Variants in BICC1 observed in about 807,000 individuals in gnomAD.
The protein encoded by BICC1 is BicC family RNA binding protein 1.
In BICC1, 43 loss-of-function variants were observed where a neutral mutation model predicts 111.0. The ratio of observed to expected loss-of-function variants is 0.39; its 90% confidence interval spans 0.30 to 0.50. The LOEUF (loss-of-function observed/expected upper bound fraction) is 0.50, where lower values mean the gene tolerates loss of function less well. BICC1 is among the 20% of genes least tolerant of loss of function. The pLI is 0.88. For synonymous variants in BICC1, 467 were observed against 434.4 expected (o/e 1.07, Z -0.93); for missense variants, 1,091 against 1,203.2 (o/e 0.91, Z 1.38).
chr10:58,739,175 G>T (rs539386324), intron 3 of BICC1, among the ~76,000 whole-genome samples: 147 of 152,238 alleles, frequency 9.7e-4, no homozygotes, highest in Non-Finnish European at 2.0e-3. Context: ...TTTTCAAAGG[G>T]AATGCTTCCA....
Position 58,519,008 on chromosome 10 carries a change from A to C in BICC1, c.190+5675A>C, listed in dbSNP as rs1056312002. On this transcript the variant is annotated intron_variant, in intron 1 of 20. Transcript: ENST00000373886. ...GCAAGAATGTATTTGGCTGCGACTA[A>C]CAGGAAACCTGACACAGAGTGGCTT... 2.9e-4 allele frequency among the ~76,000 whole-genome samples: 44 copies of C among 152,190 alleles called. 1 individual carries two copies. The highest frequency in any genetic ancestry group is 1.3e-4 in the Non-Finnish European group (9 of 68,026).
chr10:58,820,578 T>G (rs1251687229), intron 20 of BICC1, 110 bp downstream of exon 20: 2 of 713,578 alleles, frequency 2.8e-6, no homozygotes, highest in African/African-American at 3.5e-5. Flanking sequence ...ACCTAACACC[T>G]TGGTTGTGGT....
At chr10:58,749,865 A>G (rs1355614104) in intron 3 of BICC1, among the ~76,000 whole-genome samples, 2 of 152,030 alleles carry the variant, frequency 1.3e-5, no homozygotes, top group East Asian at 3.9e-4. Context: ...GGATCAACAA[A>G]ACCTAGAGTT....
chr10:58,822,198 A>G (rs958957547), intron 20 of BICC1, among the ~76,000 whole-genome samples: 1 of 152,132 alleles, frequency 6.6e-6, no homozygotes, highest in Non-Finnish European at 1.5e-5. Flanking sequence ...GCAATTTTCT[A>G]TCAGTGAAGT....
intron 2 of BICC1, among the ~76,000 whole-genome samples, chr10:58,658,732 A>G (rs778358368): frequency 9.2e-5 from 14 of 152,120 alleles, no homozygotes; most frequent in African/African-American, 3.4e-4. Context: ...GGCCAGTAGG[A>G]GACCTTTCAG....
intron 3 of BICC1, among the ~76,000 whole-genome samples, chr10:58,756,897 AT>A (rs1357540237): frequency 1.3e-5 from 2 of 152,138 alleles, no homozygotes; most frequent in Admixed American, 6.5e-5. Flanking sequence ...AGATAACATG[AT>A]TTCCTTGGTA....
intron 2 of BICC1, among the ~76,000 whole-genome samples, chr10:58,637,211 TTTTTC>T (rs953496202): frequency 2.2e-4 from 33 of 152,332 alleles, no homozygotes; most frequent in African/African-American, 7.9e-4. Context: ...GTGAAGATTT[TTTTTC>T]TTTTCTTTTG....
chr10:58,530,672 A>G (rs540083463), intron 1 of BICC1, among the ~76,000 whole-genome samples: 1 of 129,252 alleles, frequency 7.7e-6, no homozygotes, highest in South Asian at 2.9e-4. Flanking sequence ...ATGTCTTTAT[A>G]TACTTTAAAT....
At chr10:58,711,820 T>TA (rs397755225) in intron 3 of BICC1, among the ~76,000 whole-genome samples, 15 of 150,868 alleles carry the variant, frequency 9.9e-5, no homozygotes, top group Admixed American at 6.0e-4. Context: ...TTTTTTTTTT[T>TA]AAAGATATTT....
At chr10:58,564,439 A>G (rs1843696391) in intron 1 of BICC1, among the ~76,000 whole-genome samples, 1 of 152,196 alleles carries the variant, frequency 6.6e-6, no homozygotes, top group Non-Finnish European at 1.5e-5. Flanking sequence ...TGAAGAACCT[A>G]TTTTATGGAT....
At chr10:58,549,147 G>GT (rs35446816) in intron 1 of BICC1, among the ~76,000 whole-genome samples, 214 of 149,408 alleles carry the variant, frequency 1.4e-3, no homozygotes, top group African/African-American at 3.6e-3. Context: ...CCCTCAGCCA[G>GT]TTTTTTTTTT....
intron 1 of BICC1, among the ~76,000 whole-genome samples, chr10:58,528,321 A>T (rs1658486): frequency 0.46 from 69,784 of 151,674 alleles, 17,109 homozygotes; most frequent in Admixed American, 0.62. Context: ...TTAGTGATAG[A>T]ACATTAGTGT....
intron 3 of BICC1, among the ~76,000 whole-genome samples, chr10:58,748,287 A>T (rs1841891038): frequency 6.6e-6 from 1 of 152,082 alleles, no homozygotes; most frequent in African/African-American, 2.4e-5. Context: ...GGAGCTTATA[A>T]CCTGGTGGAT....
At chr10:58,754,633 T>C (rs1274568283) in intron 3 of BICC1, among the ~76,000 whole-genome samples, 1 of 152,202 alleles carries the variant, frequency 6.6e-6, no homozygotes, top group Non-Finnish European at 1.5e-5. Context: ...GAGTGTCTCA[T>C]CATTTCTGGG....
chr10:58,586,087 T>G (rs1844419010), intron 1 of BICC1, among the ~76,000 whole-genome samples: 1 of 152,186 alleles, frequency 6.6e-6, no homozygotes, highest in African/African-American at 2.4e-5. Context: ...TACATGCCAG[T>G]AGTAGAAAAA....
At chr10:58,620,826 A>G (rs1336732206) in intron 1 of BICC1, 29 bp from the exon 2 acceptor site, 3 of 1,603,156 alleles carry the variant, frequency 1.9e-6, no homozygotes, top group Non-Finnish European at 2.6e-6. Flanking sequence ...TTGAAAAAGT[A>G]TTTTAAATGT....
chr10:58,597,369 T>A (rs1247414873), intron 1 of BICC1, among the ~76,000 whole-genome samples: 1 of 152,012 alleles, frequency 6.6e-6, no homozygotes, highest in Non-Finnish European at 1.5e-5. Flanking sequence ...CTAACACAGA[T>A]CACATGCTTC....
chr10:58,639,770 G>T (rs573829524), intron 2 of BICC1, among the ~76,000 whole-genome samples: 9 of 138,056 alleles, frequency 6.5e-5, no homozygotes, highest in Non-Finnish European at 9.1e-5. Flanking sequence ...CTCCCAGGCT[G>T]GGGTACATCT....
At chr10:58,621,635 G>T (rs530468056) in intron 2 of BICC1, among the ~76,000 whole-genome samples, 3 of 152,136 alleles carry the variant, frequency 2.0e-5, no homozygotes, top group Admixed American at 2.0e-4. Context: ...GCAGGGCATG[G>T]TGGTGTGTGC....
Sources: gnomAD v4.1 joint callset for allele counts (sites outside exome capture counted in the v4.1 genomes callset) on GRCh38, gnomAD v4.1.1 for gene constraint, MANE v1.5 for transcripts, NCBI Gene and HGNC (gene_info 2026-07-23, HGNC 2026-07-21) for gene names.